Variants in VGLL4 observed in about 807,000 individuals in gnomAD.
VGLL4 encodes the protein vestigial like family member 4.
A neutral mutation model predicts 21.0 loss-of-function variants in VGLL4; 7 were observed. The ratio of observed to expected loss-of-function variants is 0.33; its 90% CI spans 0.19 to 0.63. The LOEUF is 0.63. VGLL4 is among the 20% of genes least tolerant of loss of function. The pLI, the probability that VGLL4 is intolerant of heterozygous loss-of-function variation, is 0.78. For missense variants in VGLL4, 394 were observed against 425.7 expected, an observed-to-expected ratio of 0.93 and a Z score of 0.66; for synonymous variants, 222 against 173.2, an observed-to-expected ratio of 1.28 and a Z score of -2.21.
intron 2 of VGLL4, among the ~76,000 whole-genome samples, chr3:11,696,880 G>A (rs1265016551): frequency 6.6e-6 from 1 of 152,120 alleles, no homozygotes; most frequent in Admixed American, 6.5e-5. Context: ...CTGGGACCCC[G>A]CCGGGTATGT....
At chr3:11,702,968 T>TA in intron 2 of VGLL4, 2 of 1,610,922 alleles carry the variant, frequency 1.2e-6, no homozygotes, top group Non-Finnish European at 1.7e-6. Context: ...ACTCCTCACT[T>TA]ACGTTTTTCG....
At chr3:11,638,757 A>T (rs2075634642) in intron 1 of VGLL4, among the ~76,000 whole-genome samples, 1 of 152,084 alleles carries the variant, frequency 6.6e-6, no homozygotes, top group Non-Finnish European at 1.5e-5. Context: ...CAAGCCTCCT[A>T]AGTTTCCTGA....
rs115640685 is a variant in VGLL4 at position 11,696,953 on chromosome 3, C to T, written c.64+6018G>A. On this transcript the variant is annotated intron_variant, in intron 2 of 5. Coordinates refer to the VGLL4 transcript ENST00000273038. ...AGATGGGGTCTCATTTTGTTGCCTA[C>T]GCTGGTCTCAAACTCCTGGGCTCAA... is the stretch of plus-strand genomic sequence containing the variant. Among the ~76,000 whole-genome samples, 1,089 of 152,214 alleles carry T rather than the reference C, an allele frequency of 7.2e-3. 9 individuals carry two copies. The highest frequency in any genetic ancestry group is 0.022 in the African/African-American group (918 of 41,522).
intron 1 of VGLL4, among the ~76,000 whole-genome samples, chr3:11,718,393 A>G (rs1181417008): frequency 6.6e-6 from 1 of 152,208 alleles, no homozygotes; most frequent in East Asian, 1.9e-4. Context: ...TCCCAAGATC[A>G]CACCACAGGG....
At chr3:11,717,069 C>T (rs2076928069) in intron 1 of VGLL4, among the ~76,000 whole-genome samples, 1 of 152,082 alleles carries the variant, frequency 6.6e-6, no homozygotes, top group Non-Finnish European at 1.5e-5. Context: ...AAAATCACCA[C>T]ACCAAAACAA....
intron 1 of VGLL4, among the ~76,000 whole-genome samples, chr3:11,703,910 C>G (rs1014370105): frequency 2.6e-5 from 4 of 152,198 alleles, no homozygotes; most frequent in Non-Finnish European, 5.9e-5. Flanking sequence ...ATGTGGCAGA[C>G]CAGCTTTTCT....
intron 2 of VGLL4, among the ~76,000 whole-genome samples, chr3:11,587,444 T>C (rs1384699247): frequency 6.6e-6 from 1 of 152,184 alleles, no homozygotes; most frequent in Non-Finnish European, 1.5e-5. Flanking sequence ...AATGATGTGG[T>C]GTCATTCAAA....
At chr3:11,564,106 T>C (rs1453273420) in intron 3 of VGLL4, among the ~76,000 whole-genome samples, 1 of 152,120 alleles carries the variant, frequency 6.6e-6, no homozygotes, top group Non-Finnish European at 1.5e-5. Context: ...TCCCTGGAGA[T>C]TCGGAGAGCT....
intron 1 of VGLL4, among the ~76,000 whole-genome samples, chr3:11,630,859 G>A (rs766911531): frequency 2.6e-5 from 4 of 152,078 alleles, no homozygotes; most frequent in Admixed American, 2.6e-4. Flanking sequence ...AAAAATGTTC[G>A]AACACTGTAC....
At chr3:11,600,632 C>A (rs965117023) in intron 2 of VGLL4, among the ~76,000 whole-genome samples, 1 of 152,134 alleles carries the variant, frequency 6.6e-6, no homozygotes, top group Non-Finnish European at 1.5e-5. Context: ...CTGTCAGTGT[C>A]TTATGACTGA....
At chr3:11,593,657 G>C (rs561997588) in intron 2 of VGLL4, among the ~76,000 whole-genome samples, 10 of 152,320 alleles carry the variant, frequency 6.6e-5, no homozygotes, top group African/African-American at 2.4e-4. Context: ...AGAGGAGGAA[G>C]AGGAGCTGCA....
At chr3:11,657,806 T>C (rs947215958) in intron 2 of VGLL4, among the ~76,000 whole-genome samples, 1 of 152,212 alleles carries the variant, frequency 6.6e-6, no homozygotes, top group African/African-American at 2.4e-5. Flanking sequence ...CTGTGCCCTA[T>C]GGTACAGGCT....
chr3:11,649,871 T>C (rs1445895374), intron 2 of VGLL4, among the ~76,000 whole-genome samples: 1 of 151,936 alleles, frequency 6.6e-6, no homozygotes, highest in East Asian at 1.9e-4. Context: ...AGAGTAAAAC[T>C]CCCCCACAGC....
intron 1 of VGLL4, among the ~76,000 whole-genome samples, chr3:11,716,643 T>G (rs1353777854): frequency 6.6e-6 from 1 of 152,240 alleles, no homozygotes; most frequent in African/African-American, 2.4e-5. Flanking sequence ...CTACAAAGTT[T>G]TCTCTCTTTG....
chr3:11,632,891 A>G (rs907841317), intron 1 of VGLL4, among the ~76,000 whole-genome samples: 2 of 152,216 alleles, frequency 1.3e-5, no homozygotes, highest in African/African-American at 4.8e-5. Context: ...ATATTTTCCC[A>G]TCAGTGATCA....
rs1460417051 is a variant in VGLL4 at position 11,570,182 on chromosome 3, C to G, written c.273-5163G>C. Among the ~76,000 whole-genome samples, 4 of 152,094 alleles carry G rather than the reference C, an allele frequency of 2.6e-5. No homozygotes were observed. The East Asian group carries it at 5.8e-4, about 22-fold the overall frequency. ...GAAGGCTTTGCCTAGACATGCTGCC[C>G]ACCACAGACACCGGCCCTGTGGCAT... is the stretch of plus-strand genomic sequence containing the variant. On this transcript the variant is annotated intron_variant, in intron 2 of 4. Coordinates refer to ENST00000430365, the MANE Select transcript of VGLL4 (RefSeq NM_001128219.3).
At chr3:11,616,625 A>T (rs1054893877) in intron 1 of VGLL4, among the ~76,000 whole-genome samples, 11 of 152,246 alleles carry the variant, frequency 7.2e-5, no homozygotes, top group African/African-American at 2.7e-4. Context: ...TGACACATGG[A>T]CATGGAACCT....
At chr3:11,640,179 A>AT (rs202039620) in intron 1 of VGLL4, among the ~76,000 whole-genome samples, 336 of 151,716 alleles carry the variant, frequency 2.2e-3, no homozygotes, top group African/African-American at 7.2e-3. Context: ...GCTTGCACTG[A>AT]TTTTTTTTTG....
intron 2 of VGLL4, among the ~76,000 whole-genome samples, chr3:11,679,298 T>C (rs2076337881): frequency 6.6e-6 from 1 of 152,250 alleles, no homozygotes; most frequent in Non-Finnish European, 1.5e-5. Flanking sequence ...TTGAGAATCC[T>C]GACCCTTGTC....
Sources: allele counts gnomAD v4.1 joint callset (sites outside exome capture counted in the v4.1 genomes callset), GRCh38; gene constraint gnomAD v4.1.1; transcripts MANE v1.5; gene names NCBI Gene and HGNC (gene_info 2026-07-23, HGNC 2026-07-21).